The following TRAPPC3L variants were observed in gnomAD, a reference collection of about 807,000 sequenced individuals.
TRAPPC3L encodes trafficking protein particle complex subunit 3-like protein.
Under a neutral mutation model 23.7 loss-of-function variants are expected in TRAPPC3L, and 23 were observed. That is an observed-to-expected ratio of 0.97 (90% CI 0.70 to 1.37). The LOEUF is 1.37. TRAPPC3L is among the 40% of genes most tolerant of loss of function. The pLI is 0.00. For synonymous variants in TRAPPC3L, 81 were observed against 77.9 expected (o/e 1.04, Z -0.21); for missense variants, 212 against 216.8 (o/e 0.98, Z 0.14).
chr6:116,531,805 T>C (rs1583281799), intron 3 of TRAPPC3L, among the ~76,000 whole-genome samples: 1 of 151,676 alleles, frequency 6.6e-6, no homozygotes, highest in Non-Finnish European at 1.5e-5. Context: ...TGAAACCTTC[T>C]ACACTCATAT....
At chr6:116,522,729 C>G (rs1772368000) in intron 3 of TRAPPC3L, 1 of 152,196 alleles carries the variant, frequency 6.6e-6, no homozygotes, top group South Asian at 2.1e-4. Flanking sequence ...TCAGACTAGG[C>G]TGGCCTTCAG....
intron 3 of TRAPPC3L, among the ~76,000 whole-genome samples, chr6:116,525,936 G>A (rs1041473441): frequency 6.6e-6 from 1 of 152,176 alleles, no homozygotes; most frequent in Non-Finnish European, 1.5e-5. Flanking sequence ...ATTTCTCCCA[G>A]GGGTTTTGTT....
chr6:116,532,391 C>T (rs1772794592), intron 3 of TRAPPC3L, among the ~76,000 whole-genome samples: 1 of 152,276 alleles, frequency 6.6e-6, no homozygotes, highest in Non-Finnish European at 1.5e-5. Flanking sequence ...CGTGAGCCAC[C>T]GCGCCCGGCC....
intron 3 of TRAPPC3L, chr6:116,518,336 A>G (rs1261542081): frequency 6.6e-6 from 1 of 152,216 alleles, no homozygotes; most frequent in African/African-American, 2.4e-5. Flanking sequence ...AGAATTGGCC[A>G]GTGTGGGAGA....
At chr6:116,525,799 C>T (rs929132160) in intron 3 of TRAPPC3L, among the ~76,000 whole-genome samples, 5 of 152,142 alleles carry the variant, frequency 3.3e-5, no homozygotes, top group South Asian at 2.1e-4. Flanking sequence ...ATGCATTATT[C>T]GGCAGTTTAT....
intron 3 of TRAPPC3L, chr6:116,524,642 A>G (rs1397004312): frequency 6.6e-6 from 1 of 151,950 alleles, no homozygotes. Context: ...CTATATTCTC[A>G]TTGGTTTCTT....
At chr6:116,525,323 C>T (rs1232433032) in intron 3 of TRAPPC3L, among the ~76,000 whole-genome samples, 1 of 152,138 alleles carries the variant, frequency 6.6e-6, no homozygotes, top group Non-Finnish European at 1.5e-5. Context: ...GATTCTTTCC[C>T]ATCCTGAACA....
At chr6:116,511,677 T>C (rs1389698321) in intron 3 of TRAPPC3L, 1 of 1,606,130 alleles carries the variant, frequency 6.2e-7, no homozygotes, top group South Asian at 1.1e-5. Flanking sequence ...CACAGCATTT[T>C]CCCTCTGTGC....
chr6:116,539,976 AAAC>A (rs1773334454), intron 3 of TRAPPC3L, among the ~76,000 whole-genome samples: 1 of 152,192 alleles, frequency 6.6e-6, no homozygotes, highest in Non-Finnish European at 1.5e-5. Context: ...GGGAATGACT[AAAC>A]AATATTCTTT....
chr6:116,532,842 T>C (rs1378823002), intron 3 of TRAPPC3L, among the ~76,000 whole-genome samples: 2 of 152,266 alleles, frequency 1.3e-5, no homozygotes, highest in African/African-American at 4.8e-5. Flanking sequence ...TAAGTAAGGT[T>C]AATCATGGGT....
intron 3 of TRAPPC3L, chr6:116,511,888 C>T (rs752199565): frequency 1.9e-6 from 3 of 1,614,020 alleles, no homozygotes; most frequent in African/African-American, 1.3e-5. Context: ...TGTTACTGAT[C>T]CTGGGATTCT....
At chr6:116,505,290 A>G (rs1450824649) in intron 3 of TRAPPC3L, among the ~76,000 whole-genome samples, 1 of 152,230 alleles carries the variant, frequency 6.6e-6, no homozygotes, top group East Asian at 1.9e-4. Context: ...TGAATAAAAT[A>G]CCTAGGAATC....
chr6:116,498,337 A>G (rs907384577), intron 4 of TRAPPC3L, among the ~76,000 whole-genome samples: 1 of 152,196 alleles, frequency 6.6e-6, no homozygotes, highest in African/African-American at 2.4e-5. Context: ...CACCGACTAC[A>G]GGACAAGTCT....
At chr6:116,526,105 C>A (rs1343890441) in intron 3 of TRAPPC3L, among the ~76,000 whole-genome samples, 1 of 152,118 alleles carries the variant, frequency 6.6e-6, no homozygotes, top group East Asian at 1.9e-4. Flanking sequence ...TCCATTTCCA[C>A]CTTATTTTGA....
chr6:116,505,169 G>T (rs1263410566), intron 3 of TRAPPC3L, among the ~76,000 whole-genome samples: 1 of 152,106 alleles, frequency 6.6e-6, no homozygotes, highest in South Asian at 2.1e-4. Context: ...CTTCAACAAA[G>T]TCTCAGCATA....
At chr6:116,513,542 C>T (rs1026980318) in intron 3 of TRAPPC3L, among the ~76,000 whole-genome samples, 1 of 152,172 alleles carries the variant, frequency 6.6e-6, no homozygotes, top group Non-Finnish European at 1.5e-5. Flanking sequence ...AAATCTTGCA[C>T]ATCATGTCAT....
rs1771823915 is a variant in TRAPPC3L at position 116,495,667 on chromosome 6, T to C, written c.*1287A>G. On this transcript the variant is annotated 3_prime_UTR_variant, in exon 5 of 5. Transcript: ENST00000368602. ...CAGAGTTCCCTCTTCTCCACATCTT[T>C]GCAAGCATTCACTATTGCCTGTTTT... The C allele has an allele frequency of 6.6e-6, 1 of 152,204 alleles. No individual in the cohort carries two copies. The allele number at this position is 152,204 out of a possible 1,614,324, so 9.4% of individuals were successfully genotyped here.
intron 3 of TRAPPC3L, chr6:116,511,968 G>A: frequency 6.2e-7 from 1 of 1,613,952 alleles, no homozygotes. Context: ...TTTCCCAGAG[G>A]CCACAGCTGC....
chr6:116,528,604 T>C (rs540084422), intron 3 of TRAPPC3L, among the ~76,000 whole-genome samples: 1 of 152,380 alleles, frequency 6.6e-6, no homozygotes, highest in East Asian at 1.9e-4. Flanking sequence ...ATATTGAGAA[T>C]TTTATTACCA....
Sources: allele counts gnomAD v4.1 joint callset (sites outside exome capture counted in the v4.1 genomes callset), GRCh38; gene constraint gnomAD v4.1.1; transcripts MANE v1.5; gene names NCBI Gene and HGNC (gene_info 2026-07-23, HGNC 2026-07-21).